NRXN3: variants seen among roughly 807,000 people sequenced by gnomAD.
NRXN3 encodes neurexin III.
A neutral mutation model predicts 137.6 loss-of-function variants in NRXN3; 32 were observed. The observed-to-expected ratio is 0.23, with a 90% confidence interval of 0.18 to 0.31. The LOEUF (loss-of-function observed/expected upper bound fraction) is 0.31. Ranked by LOEUF, NRXN3 falls within the 10% of genes least tolerant of loss-of-function variation. NRXN3 has a pLI of 1.00. For missense variants in NRXN3, 1,574 were observed against 2,062.5 expected (o/e 0.76, Z 4.59); for synonymous variants, 798 against 784.5 (o/e 1.02, Z -0.29).
chr14:78,570,712 G>T (rs1188097675), intron 4 of NRXN3, among the ~76,000 whole-genome samples: 1 of 152,172 alleles, frequency 6.6e-6, no homozygotes, highest in Non-Finnish European at 1.5e-5. Flanking sequence ...CCCTTGCTGT[G>T]CTCACCATGT....
intron 10 of NRXN3, among the ~76,000 whole-genome samples, chr14:78,882,134 G>C (rs2099130794): frequency 6.6e-6 from 1 of 151,880 alleles, no homozygotes; most frequent in African/African-American, 2.4e-5. Context: ...CTTCTGCCTA[G>C]ATTTCAGAGG....
At chr14:78,936,472 A>T (rs1361571621) in intron 10 of NRXN3, among the ~76,000 whole-genome samples, 1 of 152,208 alleles carries the variant, frequency 6.6e-6, no homozygotes, top group Non-Finnish European at 1.5e-5. Context: ...TATAAATCTA[A>T]AAAATGCAAA....
intron 19 of NRXN3, among the ~76,000 whole-genome samples, chr14:79,754,330 C>T (rs1038040111): frequency 1.3e-5 from 2 of 151,222 alleles, no homozygotes; most frequent in African/African-American, 2.4e-5. Flanking sequence ...GACGACAGAG[C>T]GAGACTCCAT....
At position 78,242,921 on chromosome 14, in the gene NRXN3, C is replaced by A; in HGVS notation, c.-173C>A. The A allele has an allele frequency of 1.7e-6, 1 of 581,386 alleles. No individual in the cohort carries two copies. Among genetic ancestry groups the A allele is most frequent in the Non-Finnish European group, 3.0e-6 (1 of 330,560 alleles). The allele number at this position is 581,386 out of a possible 1,614,324, so 36.0% of individuals were successfully genotyped here. ...TGCCCCTCTGGGACTCTCTTGTACA[C>A]TTTCCTCCATCTCCACTATCTCAGG... is the stretch of plus-strand genomic sequence containing the variant. On this transcript the variant is annotated 5_prime_UTR_variant, in exon 2 of 21. Coordinates refer to ENST00000335750, the MANE Select transcript of NRXN3 (RefSeq NM_001330195.2).
chr14:78,484,268 G>A (rs1450816028), intron 4 of NRXN3, among the ~76,000 whole-genome samples: 1 of 152,130 alleles, frequency 6.6e-6, no homozygotes, highest in Non-Finnish European at 1.5e-5. Context: ...ACACACCAAT[G>A]AATGGTTCTA....
rs564496045 is a variant in NRXN3 at position 78,583,133 on chromosome 14, C to T, written c.758-61987C>T. Among the ~76,000 whole-genome samples the T allele has an allele frequency of 6.6e-5, 10 of 152,166 alleles. No individual in the cohort carries two copies. In the South Asian group the frequency reaches 2.1e-3, roughly 32 times the overall value. ...GACGCCTCTGGGGCCCACCCGGGAC[C>T]GTCAAACAGACCCTGCAAAGCTTAG... On this transcript the variant is annotated intron_variant, in intron 4 of 20. Coordinates refer to ENST00000335750, the MANE Select transcript of NRXN3 (RefSeq NM_001330195.2).
At chr14:78,949,978 C>A (rs2099384024) in intron 10 of NRXN3, among the ~76,000 whole-genome samples, 1 of 152,114 alleles carries the variant, frequency 6.6e-6, no homozygotes, top group African/African-American at 2.4e-5. Flanking sequence ...CTCTTTAGCT[C>A]AATCACATTC....
chr14:78,384,757 G>A (rs1041320331), intron 4 of NRXN3, among the ~76,000 whole-genome samples: 36 of 152,106 alleles, frequency 2.4e-4, no homozygotes, highest in African/African-American at 8.5e-4. Context: ...ATTCCATGGA[G>A]CACAATTAGG....
intron 15 of NRXN3, among the ~76,000 whole-genome samples, chr14:79,465,149 A>T (rs2096404785): frequency 6.6e-6 from 1 of 152,202 alleles, no homozygotes; most frequent in Non-Finnish European, 1.5e-5. Context: ...CAAATAAAGA[A>T]TAAAGAGAGT....
At chr14:78,868,809 G>T (rs139163850) in intron 10 of NRXN3, among the ~76,000 whole-genome samples, 1 of 151,470 alleles carries the variant, frequency 6.6e-6, no homozygotes, top group African/African-American at 2.4e-5. Context: ...CAAAAAAAGC[G>T]AAACTCCATC....
chr14:78,641,753 T>C (rs1601767224), intron 4 of NRXN3, among the ~76,000 whole-genome samples: 1 of 152,278 alleles, frequency 6.6e-6, no homozygotes, highest in Admixed American at 6.5e-5. Context: ...GTTACAGCAA[T>C]TTCTGTTAAA....
At chr14:79,341,297 T>C (rs2092599186) in intron 15 of NRXN3, among the ~76,000 whole-genome samples, 1 of 152,156 alleles carries the variant, frequency 6.6e-6, no homozygotes, top group Non-Finnish European at 1.5e-5. Flanking sequence ...AGTCACCAAG[T>C]TCTTAATGAG....
chr14:78,582,795 C>T (rs1305862666), intron 4 of NRXN3, among the ~76,000 whole-genome samples: 1 of 152,170 alleles, frequency 6.6e-6, no homozygotes, highest in East Asian at 1.9e-4. Flanking sequence ...AACCCATCCA[C>T]ACGATACAAT....
chr14:79,410,803 C>T (rs2095406732), intron 15 of NRXN3, among the ~76,000 whole-genome samples: 1 of 152,062 alleles, frequency 6.6e-6, no homozygotes, highest in Non-Finnish European at 1.5e-5. Context: ...TGAGTCTCAA[C>T]CACTGTCCTA....
chr14:79,647,705 A>G (rs2098458686), intron 16 of NRXN3, among the ~76,000 whole-genome samples: 1 of 135,680 alleles, frequency 7.4e-6, no homozygotes, highest in South Asian at 2.3e-4. Flanking sequence ...CAGGCACTTC[A>G]GATGTGTGTA....
intron 15 of NRXN3, among the ~76,000 whole-genome samples, chr14:79,234,354 T>C (rs1178720563): frequency 7.5e-6 from 1 of 133,412 alleles, no homozygotes; most frequent in South Asian, 2.3e-4. Flanking sequence ...TTTATATATA[T>C]ATTATATATG....
intron 15 of NRXN3, among the ~76,000 whole-genome samples, chr14:78,996,333 T>A (rs1332010224): frequency 6.6e-6 from 1 of 152,170 alleles, no homozygotes; most frequent in Non-Finnish European, 1.5e-5. Context: ...AAAAGTCAAG[T>A]GATTTGCTCA....
At chr14:78,880,515 C>T (rs934243284) in intron 10 of NRXN3, among the ~76,000 whole-genome samples, 2 of 152,082 alleles carry the variant, frequency 1.3e-5, no homozygotes, top group African/African-American at 4.8e-5. Flanking sequence ...ACCAAAGAAA[C>T]TGATATCCCA....
chr14:78,474,799 A>C (rs1334916814), intron 4 of NRXN3, among the ~76,000 whole-genome samples: 1 of 152,242 alleles, frequency 6.6e-6, no homozygotes, highest in African/African-American at 2.4e-5. Flanking sequence ...ATTATACTGC[A>C]TCAATATATG....
Sources: gnomAD v4.1 joint callset for allele counts (sites outside exome capture counted in the v4.1 genomes callset) on GRCh38, gnomAD v4.1.1 for gene constraint, MANE v1.5 for transcripts, NCBI Gene and HGNC (gene_info 2026-07-23, HGNC 2026-07-21) for gene names.